PPM1H: variants seen among roughly 807,000 people sequenced by gnomAD.
The protein encoded by PPM1H is protein phosphatase, Mg2+/Mn2+ dependent 1H.
A neutral mutation model predicts 54.9 loss-of-function variants in PPM1H; 27 were observed. That is an observed-to-expected ratio of 0.49 (90% confidence interval 0.36 to 0.68). PPM1H has a LOEUF of 0.68. Among genes scored for constraint, PPM1H ranks in the 30% least tolerant of loss-of-function variants. The pLI, the probability that PPM1H is intolerant of heterozygous loss-of-function variation, is 0.00. For synonymous variants in PPM1H, 305 were observed against 270.8 expected (o/e 1.13, Z -1.24); for missense variants, 596 against 667.8 (o/e 0.89, Z 1.19).
intron 6 of PPM1H, among the ~76,000 whole-genome samples, chr12:62,715,295 G>A (rs73312421): frequency 0.012 from 1,901 of 152,236 alleles, 34 homozygotes; most frequent in African/African-American, 0.043. Flanking sequence ...TTCTGGCACC[G>A]GGACCAATGA....
intron 3 of PPM1H, among the ~76,000 whole-genome samples, chr12:62,800,482 A>G (rs1254157790): frequency 6.6e-6 from 1 of 152,092 alleles, no homozygotes; most frequent in East Asian, 1.9e-4. Flanking sequence ...GATTACAGGC[A>G]TGTGCCACCA....
intron 1 of PPM1H, among the ~76,000 whole-genome samples, chr12:62,917,784 C>T (rs978694603): frequency 2.6e-5 from 4 of 151,880 alleles, no homozygotes; most frequent in Admixed American, 6.6e-5. Flanking sequence ...GGTGCTCATT[C>T]TTCATGCTGT....
At chr12:62,673,370 C>T (rs1409059108) in intron 8 of PPM1H, among the ~76,000 whole-genome samples, 3 of 152,186 alleles carry the variant, frequency 2.0e-5, no homozygotes, top group Non-Finnish European at 4.4e-5. Context: ...ATACTTGCTC[C>T]CATCTTTGCC....
At chr12:62,858,802 T>C (rs1007507646) in intron 1 of PPM1H, among the ~76,000 whole-genome samples, 4 of 152,352 alleles carry the variant, frequency 2.6e-5, no homozygotes, top group Admixed American at 2.6e-4. Context: ...AACACCTTTA[T>C]AATTTAACTG....
intron 1 of PPM1H, among the ~76,000 whole-genome samples, chr12:62,874,251 C>G (rs971396959): frequency 1.3e-5 from 2 of 152,122 alleles, no homozygotes; most frequent in African/African-American, 4.8e-5. Context: ...GTGAATGACA[C>G]TTAGACCATG....
intron 4 of PPM1H, among the ~76,000 whole-genome samples, chr12:62,783,956 G>C (rs1249432722): frequency 6.6e-6 from 1 of 152,204 alleles, no homozygotes; most frequent in African/African-American, 2.4e-5. Context: ...GCCCTAAGGA[G>C]CTGATGACTC....
At chr12:62,800,346 G>GT (rs967949158) in intron 3 of PPM1H, among the ~76,000 whole-genome samples, 3 of 148,176 alleles carry the variant, frequency 2.0e-5, no homozygotes, top group African/African-American at 7.5e-5. Flanking sequence ...TTGTTTATTT[G>GT]TTTTTTTGAG....
chr12:62,857,338 C>T (rs1483551410), intron 1 of PPM1H, among the ~76,000 whole-genome samples: 1 of 152,132 alleles, frequency 6.6e-6, no homozygotes, highest in Non-Finnish European at 1.5e-5. Flanking sequence ...TTGAGTGAAA[C>T]ATATATAACC....
intron 1 of PPM1H, among the ~76,000 whole-genome samples, chr12:62,925,626 A>G (rs191995753): frequency 1.8e-4 from 28 of 152,342 alleles, no homozygotes; most frequent in Non-Finnish European, 3.8e-4. Flanking sequence ...CTGGTGTGTC[A>G]TGCTAGCCAG....
intron 1 of PPM1H, among the ~76,000 whole-genome samples, chr12:62,849,628 G>A (rs1197815266): frequency 6.6e-6 from 1 of 152,082 alleles, no homozygotes; most frequent in Non-Finnish European, 1.5e-5. Flanking sequence ...AAGTTCAAGT[G>A]CCCACTAGAT....
intron 1 of PPM1H, among the ~76,000 whole-genome samples, chr12:62,879,252 G>A (rs370681142): frequency 2.0e-4 from 31 of 152,312 alleles, no homozygotes; most frequent in Non-Finnish European, 3.4e-4. Context: ...AGATGTAAAC[G>A]ATATGAATAA....
In PPM1H at chr12:62,892,600, C is replaced by T. The variant is rs187172862; in HGVS notation, c.245+41892G>A. On this transcript the variant is annotated intron_variant, in intron 1 of 9. Coordinates refer to ENST00000228705, the MANE Select transcript of PPM1H (RefSeq NM_020700.2). ...AAACCCGTTTTTAAATTTTGAGTCA[C>T]AATTTAAAATATTTGAAGATATTTT... is the stretch of plus-strand genomic sequence containing the variant. Among the ~76,000 whole-genome samples the T allele has an allele frequency of 2.1e-4, 32 of 152,248 alleles. No individual in the cohort carries two copies. In the East Asian group the frequency reaches 5.6e-3, roughly 27 times the overall value.
At chr12:62,658,182 A>ATTTTTTTTTTTTTT (rs1173229360) in intron 9 of PPM1H, among the ~76,000 whole-genome samples, 11 of 87,532 alleles carry the variant, frequency 1.3e-4, no homozygotes, top group African/African-American at 4.0e-4. Context: ...AACACGGTGA[A>ATTTTTTTTTTTTTT]TTTTTTTTTT....
Position 62,646,807 on chromosome 12 carries a change from C to T in PPM1H, c.*1682G>A, listed in dbSNP as rs1473685028. ...AGTTCTTTCCTGAGCAGGAGGGGCTCCAGGCCTTTTCGAATACAATACCGA... is the reference window on the plus strand; with the variant it reads ...AGTTCTTTCCTGAGCAGGAGGGGCTTCAGGCCTTTTCGAATACAATACCGA... On this transcript the variant is annotated 3_prime_UTR_variant, in exon 10 of 10. Transcript: ENST00000228705. 6.6e-6 allele frequency: 1 copy of T among 152,156 alleles called. No homozygotes were observed. The highest frequency in any genetic ancestry group is 1.5e-5 in the Non-Finnish European group (1 of 68,058). 9.4% of individuals were successfully genotyped at this position (152,156 alleles called of 1,614,324 possible).
At chr12:62,898,347 T>C (rs1871059149) in intron 1 of PPM1H, among the ~76,000 whole-genome samples, 1 of 152,166 alleles carries the variant, frequency 6.6e-6, no homozygotes, top group African/African-American at 2.4e-5. Context: ...TTTTAATTAA[T>C]TCTTAATTAT....
chr12:62,789,679 C>T (rs1340009347), intron 3 of PPM1H, among the ~76,000 whole-genome samples: 2 of 152,166 alleles, frequency 1.3e-5, no homozygotes, highest in African/African-American at 2.4e-5. Flanking sequence ...CACTATGAAC[C>T]TCATTGTTTA....
intron 1 of PPM1H, among the ~76,000 whole-genome samples, chr12:62,869,635 C>G (rs1869908394): frequency 6.6e-6 from 1 of 152,190 alleles, no homozygotes; most frequent in Admixed American, 6.5e-5. Context: ...AAAACAGGAG[C>G]ATGACAACAT....
intron 3 of PPM1H, among the ~76,000 whole-genome samples, chr12:62,794,546 C>T (rs2076720988): frequency 1.3e-5 from 2 of 152,038 alleles, no homozygotes; most frequent in Admixed American, 6.5e-5. Flanking sequence ...GGAATCTAGA[C>T]CCACTCTTAA....
At chr12:62,910,063 G>T (rs1296047975) in intron 1 of PPM1H, among the ~76,000 whole-genome samples, 1 of 152,182 alleles carries the variant, frequency 6.6e-6, no homozygotes, top group Admixed American at 6.5e-5. Flanking sequence ...GGCTAAGCAG[G>T]AGTTAACCAG....
Sources: allele counts gnomAD v4.1 joint callset (sites outside exome capture counted in the v4.1 genomes callset), GRCh38; gene constraint gnomAD v4.1.1; transcripts MANE v1.5; gene names NCBI Gene and HGNC (gene_info 2026-07-23, HGNC 2026-07-21).